SLC30A8: variants seen among roughly 807,000 people sequenced by gnomAD.
SLC30A8 encodes proton-coupled zinc antiporter SLC30A8.
SLC30A8 carries 27 observed loss-of-function variants against 36.9 expected under a neutral mutation model. The observed-to-expected ratio is 0.73, with a 90% CI of 0.54 to 1.01. The LOEUF (loss-of-function observed/expected upper bound fraction) is 1.01, where lower values mean the gene tolerates loss of function less well. SLC30A8 is among the 50% of genes least tolerant of loss of function. The pLI, the probability that SLC30A8 is intolerant of heterozygous loss-of-function variation, is 0.00. For missense variants in SLC30A8, 439 were observed against 452.0 expected (o/e 0.97, Z 0.26); for synonymous variants, 164 against 172.4 (o/e 0.95, Z 0.38).
Position 117,163,275 on chromosome 8 carries a change from G to C in SLC30A8, c.724-150G>C, listed in dbSNP as rs1822885863. ...GAAGGATTGAGTCTTCAAAAACAAA[G>C]TCTTCCCTCTCAGTTGGATGACACA... On this transcript the variant is annotated intron_variant, in intron 5 of 7. Coordinates refer to ENST00000456015, the MANE Select transcript of SLC30A8 (RefSeq NM_173851.3). 7.3e-6 allele frequency: 4 copies of C among 545,858 alleles called. No individual in the cohort carries two copies. In the South Asian group the frequency reaches 1.2e-4, roughly 16 times the overall value. The allele number at this position is 545,858 out of a possible 1,614,324, so 33.8% of individuals were successfully genotyped here.
chr8:117,165,031 T>C (rs1189159580), intron 6 of SLC30A8, among the ~76,000 whole-genome samples: 1 of 152,216 alleles, frequency 6.6e-6, no homozygotes, highest in Non-Finnish European at 1.5e-5. Flanking sequence ...GAACTACTGG[T>C]TTCTGCCCTT....
intron 4 of SLC30A8, among the ~76,000 whole-genome samples, chr8:117,161,345 T>G (rs1447876029): frequency 6.6e-6 from 1 of 152,234 alleles, no homozygotes; most frequent in East Asian, 1.9e-4. Flanking sequence ...AAACCAGTAC[T>G]TTTAATTAAG....
chr8:117,100,036 T>G (rs1819639340), intron 2 of SLC30A8, among the ~76,000 whole-genome samples: 1 of 150,984 alleles, frequency 6.6e-6, no homozygotes, highest in Non-Finnish European at 1.5e-5. Context: ...GTACCACATC[T>G]ATAAAAATGC....
intron 1 of SLC30A8, among the ~76,000 whole-genome samples, chr8:116,994,048 T>TA (rs796653965): frequency 5.4e-4 from 78 of 143,164 alleles, no homozygotes; most frequent in South Asian, 4.6e-3. Flanking sequence ...AAAAACTAAA[T>TA]AAAAAAAAAA....
intron 2 of SLC30A8, among the ~76,000 whole-genome samples, chr8:117,112,999 C>G: frequency 6.6e-6 from 1 of 152,130 alleles, no homozygotes; most frequent in East Asian, 1.9e-4. Context: ...CAGTCAACAT[C>G]TATTTATCAA....
chr8:116,999,688 C>T (rs1016919420), intron 1 of SLC30A8, among the ~76,000 whole-genome samples: 2 of 152,112 alleles, frequency 1.3e-5, no homozygotes, highest in African/African-American at 4.8e-5. Flanking sequence ...AATGAGGTTT[C>T]CTGTTTCTGA....
chr8:117,103,279 C>A (rs1386539395), intron 2 of SLC30A8, among the ~76,000 whole-genome samples: 3 of 151,800 alleles, frequency 2.0e-5, no homozygotes, highest in South Asian at 2.1e-4. Flanking sequence ...GTGATGAGTC[C>A]CAAGCAAGTT....
At chr8:117,021,958 G>A (rs908919790) in intron 1 of SLC30A8, among the ~76,000 whole-genome samples, 2 of 148,302 alleles carry the variant, frequency 1.3e-5, no homozygotes, top group Non-Finnish European at 1.5e-5. Context: ...AGTCATATGG[G>A]AGAAAAAAAT....
intron 2 of SLC30A8, among the ~76,000 whole-genome samples, chr8:117,113,865 A>T (rs1820333427): frequency 6.6e-6 from 1 of 152,184 alleles, no homozygotes; most frequent in African/African-American, 2.4e-5. Flanking sequence ...TTCATGATAC[A>T]ATAATGTAGA....
At chr8:117,071,359 A>G (rs997762514) in intron 2 of SLC30A8, among the ~76,000 whole-genome samples, 1 of 151,718 alleles carries the variant, frequency 6.6e-6, no homozygotes, top group Non-Finnish European at 1.5e-5. Flanking sequence ...CTTTTGAAGT[A>G]TTTCTGTTGA....
intron 4 of SLC30A8, among the ~76,000 whole-genome samples, chr8:117,158,071 T>G (rs1232733549): frequency 1.3e-5 from 2 of 152,242 alleles, no homozygotes; most frequent in African/African-American, 4.8e-5. Context: ...TCTGGTGTGC[T>G]AGAGGCAGGG....
At chr8:117,070,050 A>C (rs1274262204) in intron 2 of SLC30A8, among the ~76,000 whole-genome samples, 2 of 152,222 alleles carry the variant, frequency 1.3e-5, no homozygotes, top group Admixed American at 1.3e-4. Flanking sequence ...AGGAATTTTG[A>C]TGATCTATAG....
chr8:117,059,572 A>G (rs937589965), intron 2 of SLC30A8, among the ~76,000 whole-genome samples: 2 of 152,146 alleles, frequency 1.3e-5, no homozygotes, highest in African/African-American at 4.8e-5. Flanking sequence ...ACCCCTACTC[A>G]TGAATAATAT....
In SLC30A8 at chr8:117,174,955, C is replaced by T. The variant is rs1235455213; in HGVS notation, c.*2274C>T. ...AGATGCTACTCAGGGGCTTTATGAA[C>T]CATCCATCAATTCTGAAGTTCTGAC... On this transcript the variant is annotated 3_prime_UTR_variant, in exon 8 of 8. Coordinates refer to ENST00000456015, the MANE Select transcript of SLC30A8 (RefSeq NM_173851.3). 1 of 151,858 alleles carries T rather than the reference C, an allele frequency of 6.6e-6. No individual in the cohort carries two copies. The highest frequency in any genetic ancestry group is 1.5e-5 in the Non-Finnish European group (1 of 67,986). The allele number at this position is 151,858 out of a possible 1,614,324, so 9.4% of individuals were successfully genotyped here.
At chr8:117,006,949 A>G in intron 1 of SLC30A8, 1 of 109,096 alleles carries the variant, frequency 9.2e-6, no homozygotes, top group African/African-American at 3.6e-5. Flanking sequence ...CGCTTGGCTA[A>G]TTCTTGTTTT....
intron 4 of SLC30A8, among the ~76,000 whole-genome samples, chr8:117,159,062 G>A (rs1227153922): frequency 6.6e-6 from 1 of 152,146 alleles, no homozygotes; most frequent in South Asian, 2.1e-4. Flanking sequence ...GGAGAAATCG[G>A]CCTGGAGCCA....
At chr8:117,161,314 T>A (rs1822781602) in intron 4 of SLC30A8, among the ~76,000 whole-genome samples, 1 of 152,224 alleles carries the variant, frequency 6.6e-6, no homozygotes, top group Admixed American at 6.5e-5. Context: ...TATTTATCCC[T>A]TCCTGTGTTT....
upstream of SLC30A8, among the ~76,000 whole-genome samples, chr8:117,132,488 G>C (rs1821176303): frequency 6.6e-6 from 1 of 152,020 alleles, no homozygotes; most frequent in Non-Finnish European, 1.5e-5. Flanking sequence ...AGTGGGCGGA[G>C]AAGACAACCT....
chr8:117,037,556 T>G (rs1440874176), intron 1 of SLC30A8, among the ~76,000 whole-genome samples: 2 of 152,176 alleles, frequency 1.3e-5, no homozygotes, highest in Non-Finnish European at 2.9e-5. Context: ...TCTATGGATA[T>G]TTCTACAATT....
Sources: gnomAD v4.1 joint callset for allele counts (sites outside exome capture counted in the v4.1 genomes callset) on GRCh38, gnomAD v4.1.1 for gene constraint, MANE v1.5 for transcripts, NCBI Gene and HGNC (gene_info 2026-07-23, HGNC 2026-07-21) for gene names.